Variants in ZNF180 observed in about 807,000 individuals in gnomAD.
ZNF180 encodes the protein zinc finger protein 180 (HHZ168).
In ZNF180, 11 loss-of-function variants were observed where a neutral mutation model predicts 11.8. The observed-to-expected ratio is 0.93, with a 90% CI of 0.59 to 1.55. The LOEUF (loss-of-function observed/expected upper bound fraction) is 1.55. Ranked by LOEUF, ZNF180 falls within the 40% of genes most tolerant of loss-of-function variation. The probability of loss-of-function intolerance (pLI) is 0.00; values close to 1 mark genes in which losing one functional copy is unlikely to be tolerated. For synonymous variants in ZNF180, 287 were observed against 257.7 expected (o/e 1.11, Z -1.09); for missense variants, 773 against 781.7 (o/e 0.99, Z 0.13).
intron 2 of ZNF180, among the ~76,000 whole-genome samples, chr19:44,488,527 A>G (rs1004921440): frequency 6.6e-6 from 1 of 152,104 alleles, no homozygotes; most frequent in African/African-American, 2.4e-5. Flanking sequence ...CGGCCTCCCA[A>G]GGTGCTGGGA....
At chr19:44,498,931 G>A (rs1197083394) in intron 1 of ZNF180, among the ~76,000 whole-genome samples, 1 of 152,002 alleles carries the variant, frequency 6.6e-6, no homozygotes, top group African/African-American at 2.4e-5. Flanking sequence ...GAGCAGGTTC[G>A]TGCTCACAAT....
At chr19:44,488,946 G>T (rs1377129078) in intron 2 of ZNF180, among the ~76,000 whole-genome samples, 2 of 150,972 alleles carry the variant, frequency 1.3e-5, no homozygotes, top group East Asian at 4.0e-4. Flanking sequence ...GAGCCCCTCC[G>T]CCCGGCAGCC....
rs1478890109 is a variant in ZNF180 at position 44,500,281 on chromosome 19, G to A, written c.-50C>T. 2.5e-6 allele frequency: 4 copies of A among 1,611,886 alleles called. No individual in the cohort carries two copies. Among genetic ancestry groups the A allele is most frequent in the Non-Finnish European group, 2.5e-6 (3 of 1,179,516 alleles). ...GCCCCACGCCCCTACCAACCTGGGC[G>A]TCCGCTGGCCCGCAGCCCAGGCTGG... On this transcript the variant is annotated 5_prime_UTR_variant, in exon 1 of 5. It adds an upstream start codon to the 5' untranslated region. Coordinates refer to ENST00000592529, the MANE Select transcript of ZNF180 (RefSeq NM_001278509.3).
chr19:44,478,048 C>T lies in ZNF180; in HGVS notation c.352G>A (p.Asp118Asn). The T allele has an allele frequency of 1.2e-6, 2 of 1,613,828 alleles. No homozygotes were observed. Among genetic ancestry groups the T allele is most frequent in the Non-Finnish European group, 1.7e-6 (2 of 1,179,816 alleles). Reference sequence around the variant, plus strand: ...TCACATGAAGATAACCAAGGATCATCCCTTGTAAACCTTTCTATCTTCACT... The same window carrying T: ...TCACATGAAGATAACCAAGGATCATTCCTTGTAAACCTTTCTATCTTCACT... ...NGVKIERFTR[D>N]DPWLSSCEEV... Residue 118 changes from aspartate to asparagine, a missense_variant, in exon 5 of 5, where the codon GAT becomes AAT. Transcript: ENST00000592529.
chr19:44,476,244 T>C lies in ZNF180; in HGVS notation c.*158A>G. The C allele has an allele frequency of 1.4e-6, 1 of 703,918 alleles. No individual in the cohort carries two copies. The highest frequency in any genetic ancestry group is 3.5e-5 in the Admixed American group (1 of 28,242). 43.6% of individuals were successfully genotyped at this position (703,918 alleles called of 1,614,324 possible). A position where few individuals can be genotyped will look rare whatever the true frequency, so the allele number is the denominator to read the frequency against. On this transcript the variant is annotated 3_prime_UTR_variant, in exon 5 of 5. Transcript: ENST00000592529. The stretch of plus-strand genomic sequence containing the variant: ...GTCGTTCATAGACTTTCCCCCTTTC[T>C]TTTCCAGAACAAATTTGAGACACAC...
In ZNF180 at chr19:44,479,252, G is replaced by A. The variant is rs143402399; in HGVS notation, c.253+31C>T. Reference sequence around the variant, plus strand: ...AGAATGTGAAATCATTTCAGTAGATGGATCTTCATTAAAGAGGAGTGTATT... The same window carrying A: ...AGAATGTGAAATCATTTCAGTAGATAGATCTTCATTAAAGAGGAGTGTATT... On this transcript the variant is annotated intron_variant, in intron 4 of 4. Coordinates refer to ENST00000592529, the MANE Select transcript of ZNF180 (RefSeq NM_001278509.3). 1.0e-5 allele frequency: 16 copies of A among 1,599,748 alleles called. No individual in the cohort carries two copies. The African/African-American group carries it at 2.0e-4, about 20-fold the overall frequency.
chr19:44,500,052 A>C (rs1371631796), intron 1 of ZNF180: 1 of 1,201,840 alleles, frequency 8.3e-7, no homozygotes, highest in African/African-American at 1.5e-5. Flanking sequence ...CAGGCCCCAG[A>C]CAAGAGCACC....
intron 1 of ZNF180, 35 bp downstream of exon 1, chr19:44,500,240 T>A (rs1186879145): frequency 6.2e-7 from 1 of 1,613,886 alleles, no homozygotes; most frequent in East Asian, 2.2e-5. Flanking sequence ...CATGCGCGCA[T>A]CGGACACCAA....
intron 1 of ZNF180, among the ~76,000 whole-genome samples, chr19:44,499,598 G>C (rs963535775): frequency 2.0e-5 from 3 of 152,106 alleles, no homozygotes; most frequent in African/African-American, 7.2e-5. Context: ...GGACGTGCAG[G>C]GGGCCCTCTG....
chr19:44,494,885 A>G (rs897464631), intron 2 of ZNF180, among the ~76,000 whole-genome samples: 5 of 152,194 alleles, frequency 3.3e-5, no homozygotes, highest in Admixed American at 6.5e-5. Flanking sequence ...AACCTGTAAC[A>G]TATTTAGAAG....
In ZNF180 at chr19:44,488,721, G is replaced by A. The variant is rs565015041; in HGVS notation, c.52-4286C>T. ...AAGTGAGGAGCGTCTCTGCCTGGCT[G>A]CCCATTGTCTGGGATGTGAGGAGCC... On this transcript the variant is annotated intron_variant, in intron 2 of 4. Coordinates refer to ENST00000592529, the MANE Select transcript of ZNF180 (RefSeq NM_001278509.3). 5.9e-5 allele frequency among the ~76,000 whole-genome samples: 9 copies of A among 151,818 alleles called. No individual in the cohort carries two copies. The East Asian group carries it at 5.9e-4, about 10-fold the overall frequency.
At chr19:44,483,734 T>C (rs1970142557) in intron 3 of ZNF180, among the ~76,000 whole-genome samples, 1 of 152,238 alleles carries the variant, frequency 6.6e-6, no homozygotes, top group Admixed American at 6.5e-5. Context: ...TTATTCAAGA[T>C]GTTCTGAATT....
At chr19:44,481,149 T>G (rs1424871014) in intron 3 of ZNF180, among the ~76,000 whole-genome samples, 1 of 152,182 alleles carries the variant, frequency 6.6e-6, no homozygotes, top group Non-Finnish European at 1.5e-5. Context: ...AAGGGTGATC[T>G]GTCCTTACCC....
Position 44,474,852 on chromosome 19 carries a change from T to C in ZNF180, c.*1550A>G, listed in dbSNP as rs1302748153. On this transcript the variant is annotated 3_prime_UTR_variant, in exon 5 of 5. Transcript: ENST00000592529. ...CCCAAGGGATGCCCGCAGCTTTCAG[T>C]ATTTCACACTCCATGAAAACATCAG... The C allele has an allele frequency of 6.6e-6, 1 of 152,216 alleles. No individual in the cohort carries two copies. The highest frequency in any genetic ancestry group is 1.5e-5 in the Non-Finnish European group (1 of 68,048). The allele number at this position is 152,216 out of a possible 1,614,324, so 9.4% of individuals were successfully genotyped here.
rs778448353 is a variant in ZNF180 at position 44,484,356 on chromosome 19, C to T, written c.126+5G>A. On this transcript the variant is annotated splice_donor_5th_base_variant and intron_variant, in intron 3 of 4. Coordinates refer to ENST00000592529, the MANE Select transcript of ZNF180 (RefSeq NM_001278509.3). Reference sequence around the variant, plus strand: ...GTGTAAAGACAGAGGCCTTGCCCAACCTACCTGAGATGGGATGGTCAGAGA... The same window carrying T: ...GTGTAAAGACAGAGGCCTTGCCCAATCTACCTGAGATGGGATGGTCAGAGA... The T allele has an allele frequency of 8.8e-5, 141 of 1,610,564 alleles. 1 individual carries two copies. In the Admixed American group the frequency reaches 2.3e-3, roughly 26 times the overall value.
chr19:44,490,391 A>G (rs1204939530), intron 2 of ZNF180, among the ~76,000 whole-genome samples: 1 of 152,230 alleles, frequency 6.6e-6, no homozygotes, highest in African/African-American at 2.4e-5. Context: ...AAAACTCACA[A>G]TGCCAAAAAA....
In ZNF180 at chr19:44,476,325, C is replaced by T; in HGVS notation, c.*77G>A. ...TATATTGTTTTTATAGTAGTTCTTC[C>T]AACTACATGTACTACCTTAAAATAA... On this transcript the variant is annotated 3_prime_UTR_variant, in exon 5 of 5. Coordinates refer to ENST00000592529, the MANE Select transcript of ZNF180 (RefSeq NM_001278509.3). 1 of 1,338,508 alleles carries T rather than the reference C, an allele frequency of 7.5e-7. No homozygotes were observed. 82.9% of individuals were successfully genotyped at this position (1,338,508 alleles called of 1,614,324 possible).
intron 3 of ZNF180, among the ~76,000 whole-genome samples, chr19:44,480,580 A>C (rs1313887182): frequency 6.6e-6 from 1 of 152,252 alleles, no homozygotes; most frequent in Non-Finnish European, 1.5e-5. Flanking sequence ...TAAAATACTT[A>C]GGACTGGAAG....
chr19:44,489,163 C>T (rs1306890922), intron 2 of ZNF180, among the ~76,000 whole-genome samples: 3 of 135,488 alleles, frequency 2.2e-5, no homozygotes, highest in Non-Finnish European at 4.9e-5. Context: ...GGGGGGCCAG[C>T]CCCCCGCCGG....
Sources: allele counts gnomAD v4.1 joint callset (sites outside exome capture counted in the v4.1 genomes callset), GRCh38; gene constraint gnomAD v4.1.1; transcripts MANE v1.5; gene names NCBI Gene and HGNC (gene_info 2026-07-23, HGNC 2026-07-21).